Variants in VOPP1 observed in about 807,000 individuals in gnomAD.
The protein encoded by VOPP1 is WW domain binding protein VOPP1.
Under a neutral mutation model 23.5 loss-of-function variants are expected in VOPP1, and 8 were observed. The ratio of observed to expected loss-of-function variants is 0.34; its 90% confidence interval spans 0.20 to 0.61. The LOEUF (loss-of-function observed/expected upper bound fraction) is 0.61. VOPP1 is among the 20% of genes least tolerant of loss of function. VOPP1 has a pLI of 0.78. For synonymous variants in VOPP1, 83 were observed against 97.3 expected (o/e 0.85, Z 0.86); for missense variants, 174 against 238.1 (o/e 0.73, Z 1.77).
intron 4 of VOPP1, among the ~76,000 whole-genome samples, chr7:55,477,494 C>G (rs2129010890): frequency 6.6e-6 from 1 of 152,276 alleles, no homozygotes; most frequent in Middle Eastern, 3.4e-3. Flanking sequence ...TGTGCCAAGG[C>G]CGTGGCTCCT....
At chr7:55,521,871 GCA>G in intron 1 of VOPP1, 1 of 985,586 alleles carries the variant, frequency 1.0e-6, no homozygotes. Context: ...AGCTCTCTAT[GCA>G]GAGATGCTCT....
chr7:55,534,544 G>A (rs191578294), intron 1 of VOPP1, among the ~76,000 whole-genome samples: 5 of 152,288 alleles, frequency 3.3e-5, no homozygotes, highest in African/African-American at 7.2e-5. Context: ...TTTTGAGCTC[G>A]CTCTGCAATT....
intron 4 of VOPP1, among the ~76,000 whole-genome samples, chr7:55,444,149 A>G (rs1791038936): frequency 6.6e-6 from 1 of 152,096 alleles, no homozygotes. Context: ...TTATTTTATA[A>G]TTTATCTACT....
chr7:55,549,605 C>T (rs547947117), intron 1 of VOPP1, among the ~76,000 whole-genome samples: 3 of 152,300 alleles, frequency 2.0e-5, no homozygotes, highest in East Asian at 1.9e-4. Context: ...GACACACTGG[C>T]GGACACTCTG....
At chr7:55,523,279 C>T (rs1562954237) in intron 1 of VOPP1, among the ~76,000 whole-genome samples, 3 of 152,298 alleles carry the variant, frequency 2.0e-5, no homozygotes, top group South Asian at 2.1e-4. Context: ...CAAAAGGAAA[C>T]GTGTACATTT....
intron 2 of VOPP1, among the ~76,000 whole-genome samples, chr7:55,517,550 C>G (rs979173493): frequency 4.6e-5 from 7 of 152,166 alleles, no homozygotes; most frequent in African/African-American, 1.7e-4. Flanking sequence ...CCTGAGGCCC[C>G]CAGCAGCAGG....
At chr7:55,559,919 C>T (rs1797928616) in intron 1 of VOPP1, among the ~76,000 whole-genome samples, 1 of 152,268 alleles carries the variant, frequency 6.6e-6, no homozygotes, top group South Asian at 2.1e-4. Flanking sequence ...CGCACGAGGC[C>T]GTGGCAGGCG....
At chr7:55,517,210 G>C (rs1795513917) in intron 2 of VOPP1, among the ~76,000 whole-genome samples, 1 of 151,442 alleles carries the variant, frequency 6.6e-6, no homozygotes, top group African/African-American at 2.4e-5. Flanking sequence ...CGGCCTCCCA[G>C]AGTGCTGGGA....
chr7:55,561,551 A>C (rs1797986049), intron 1 of VOPP1, among the ~76,000 whole-genome samples: 1 of 152,040 alleles, frequency 6.6e-6, no homozygotes, highest in Non-Finnish European at 1.5e-5. Flanking sequence ...TCTACTAAAA[A>C]TACAAAAATT....
chr7:55,507,304 G>T (rs1276188207), intron 2 of VOPP1, among the ~76,000 whole-genome samples: 1 of 152,196 alleles, frequency 6.6e-6, no homozygotes, highest in African/African-American at 2.4e-5. Context: ...GAGAACCAAA[G>T]ACCTAAATCT....
At chr7:55,537,257 C>T (rs991572711) in intron 1 of VOPP1, among the ~76,000 whole-genome samples, 7 of 152,166 alleles carry the variant, frequency 4.6e-5, no homozygotes, top group Non-Finnish European at 1.5e-5. Context: ...ACACCCACAG[C>T]GTGCAGCAAC....
chr7:55,572,332 C>T lies in VOPP1; in HGVS notation c.-8G>A, dbSNP rs1798395150. ...CGCAGGCTGGCGCCTCATGGCTCCT[C>T]GCGTCCTCTCCAGCGCGCCCGGACG... is the stretch of plus-strand genomic sequence containing the variant. On this transcript the variant is annotated 5_prime_UTR_variant, in exon 1 of 5. Coordinates refer to ENST00000285279, the MANE Select transcript of VOPP1 (RefSeq NM_030796.5). The T allele has an allele frequency of 1.4e-6, 2 of 1,454,232 alleles. No individual in the cohort carries two copies. The allele number at this position is 1,454,232 out of a possible 1,614,324, so 90.1% of individuals were successfully genotyped here.
At chr7:55,545,940 G>A (rs1797348617) in intron 1 of VOPP1, among the ~76,000 whole-genome samples, 1 of 152,116 alleles carries the variant, frequency 6.6e-6, no homozygotes, top group Non-Finnish European at 1.5e-5. Flanking sequence ...GGTGGCACAT[G>A]CCTGTAATAC....
At chr7:55,450,668 G>A (rs549108601) in intron 4 of VOPP1, among the ~76,000 whole-genome samples, 4 of 152,310 alleles carry the variant, frequency 2.6e-5, no homozygotes, top group African/African-American at 7.2e-5. Flanking sequence ...TACCTTTAGT[G>A]GACAGCACTG....
At chr7:55,547,167 G>A (rs1317538933) in intron 1 of VOPP1, among the ~76,000 whole-genome samples, 2 of 152,168 alleles carry the variant, frequency 1.3e-5, no homozygotes, top group Non-Finnish European at 2.9e-5. Flanking sequence ...TGATTCCACT[G>A]TTCTCACCTA....
At chr7:55,550,094 A>G (rs1323815725) in intron 1 of VOPP1, among the ~76,000 whole-genome samples, 3 of 152,194 alleles carry the variant, frequency 2.0e-5, no homozygotes, top group African/African-American at 7.2e-5. Flanking sequence ...AGAACAAGGG[A>G]GGGTCCTGGA....
intron 4 of VOPP1, among the ~76,000 whole-genome samples, chr7:55,481,570 G>A (rs1355101797): frequency 6.6e-6 from 1 of 152,234 alleles, no homozygotes; most frequent in Admixed American, 6.5e-5. Flanking sequence ...GAAAGAACCA[G>A]CACTGCAGGG....
chr7:55,559,990 T>C (rs1797932003), intron 1 of VOPP1, among the ~76,000 whole-genome samples: 2 of 152,096 alleles, frequency 1.3e-5, no homozygotes, highest in African/African-American at 4.8e-5. Context: ...CCATCTCCAC[T>C]AAAAATACAA....
chr7:55,549,599 C>T (rs1459821635), intron 1 of VOPP1, among the ~76,000 whole-genome samples: 1 of 152,228 alleles, frequency 6.6e-6, no homozygotes, highest in Non-Finnish European at 1.5e-5. Context: ...GAGCAGGACA[C>T]ACTGGCGGAC....
Sources: gnomAD v4.1 joint callset for allele counts (sites outside exome capture counted in the v4.1 genomes callset) on GRCh38, gnomAD v4.1.1 for gene constraint, MANE v1.5 for transcripts, NCBI Gene and HGNC (gene_info 2026-07-23, HGNC 2026-07-21) for gene names.